ST8SIA6: variants seen among roughly 807,000 people sequenced by gnomAD.
ST8SIA6 encodes ST8 alpha-N-acetyl-neuraminide alpha-2,8-sialyltransferase 6, also known as alpha-2,8-sialyltransferase 8F.
In ST8SIA6, 39 loss-of-function variants were observed where a neutral mutation model predicts 33.6. The observed-to-expected ratio is 1.16, with a 90% confidence interval of 0.90 to 1.52. The LOEUF (loss-of-function observed/expected upper bound fraction) is 1.52. ST8SIA6 is among the 40% of genes most tolerant of loss of function. ST8SIA6 has a pLI of 0.00. For missense variants in ST8SIA6, 441 were observed against 443.8 expected, an observed-to-expected ratio of 0.99 and a Z score of 0.06; for synonymous variants, 172 against 167.2, an observed-to-expected ratio of 1.03 and a Z score of -0.22.
chr10:17,330,958 T>C (rs1225285266), intron 5 of ST8SIA6, among the ~76,000 whole-genome samples: 1 of 152,222 alleles, frequency 6.6e-6, no homozygotes, highest in Admixed American at 6.5e-5. Flanking sequence ...CAACAATCTC[T>C]ATCTTATGGT....
intron 2 of ST8SIA6, 70 bp downstream of exon 2, chr10:17,453,489 G>A: frequency 5.9e-6 from 7 of 1,184,718 alleles, no homozygotes; most frequent in African/African-American, 1.6e-5. Flanking sequence ...GTCCAAGCCG[G>A]TGCAGCCGCG....
chr10:17,447,316 G>A (rs1852751739), intron 2 of ST8SIA6, among the ~76,000 whole-genome samples: 1 of 152,202 alleles, frequency 6.6e-6, no homozygotes, highest in Non-Finnish European at 1.5e-5. Context: ...GGAGGCAGGA[G>A]AATCACTGGA....
intron 2 of ST8SIA6, among the ~76,000 whole-genome samples, chr10:17,419,380 A>T (rs1212877518): frequency 6.6e-6 from 1 of 152,136 alleles, no homozygotes; most frequent in South Asian, 2.1e-4. Context: ...AAAAATTTTT[A>T]AATTAGCTGG....
intron 3 of ST8SIA6, among the ~76,000 whole-genome samples, chr10:17,372,221 A>C (rs1849758738): frequency 1.3e-5 from 2 of 152,248 alleles, no homozygotes; most frequent in Admixed American, 1.3e-4. Context: ...ACTGCTACGT[A>C]AGATAATGCT....
At chr10:17,443,389 A>C (rs1310376072) in intron 2 of ST8SIA6, among the ~76,000 whole-genome samples, 4 of 152,238 alleles carry the variant, frequency 2.6e-5, no homozygotes, top group Non-Finnish European at 4.4e-5. Context: ...GAGAGACTTT[A>C]ATCATTTGCA....
intron 6 of ST8SIA6, 67 bp from the exon 7 acceptor site, chr10:17,323,224 T>TGCGC: frequency 1.2e-6 from 1 of 854,006 alleles, no homozygotes; most frequent in Admixed American, 2.1e-5. Flanking sequence ...TACACACATA[T>TGCGC]GCGCGCACAC....
intron 7 of ST8SIA6, among the ~76,000 whole-genome samples, chr10:17,322,094 C>CAGAGAG (rs10544183): frequency 3.0e-5 from 4 of 134,348 alleles, no homozygotes; most frequent in Non-Finnish European, 4.7e-5. Context: ...CAAAGAGAGA[C>CAGAGAG]AGAGAGAGAG....
chr10:17,447,066 T>G (rs968582116), intron 2 of ST8SIA6, among the ~76,000 whole-genome samples: 16 of 148,824 alleles, frequency 1.1e-4, no homozygotes, highest in Admixed American at 6.0e-4. Flanking sequence ...ATAATAAAGC[T>G]GTGATCAAAT....
intron 6 of ST8SIA6, among the ~76,000 whole-genome samples, chr10:17,324,870 T>C (rs188365195): frequency 6.1e-4 from 89 of 146,598 alleles, no homozygotes; most frequent in African/African-American, 2.2e-3. Context: ...ATAATATGCA[T>C]ATATGTAATA....
chr10:17,388,257 G>A (rs1423474343), intron 3 of ST8SIA6, among the ~76,000 whole-genome samples: 2 of 152,178 alleles, frequency 1.3e-5, no homozygotes, highest in Admixed American at 6.5e-5. Context: ...CTGGATCCTG[G>A]ATTCCATTAA....
At chr10:17,396,294 T>C (rs1055409323) in intron 2 of ST8SIA6, among the ~76,000 whole-genome samples, 69 of 152,308 alleles carry the variant, frequency 4.5e-4, no homozygotes, top group East Asian at 1.9e-4. Flanking sequence ...ACCTGACTCA[T>C]GAGGAGTGCT....
chr10:17,375,372 C>T (rs929665606), intron 3 of ST8SIA6, among the ~76,000 whole-genome samples: 2 of 152,166 alleles, frequency 1.3e-5, no homozygotes, highest in African/African-American at 2.4e-5. Flanking sequence ...GAAGTTTGAT[C>T]GGCCATAATT....
chr10:17,372,572 T>C (rs1373742382), intron 3 of ST8SIA6, among the ~76,000 whole-genome samples: 1 of 152,210 alleles, frequency 6.6e-6, no homozygotes, highest in African/African-American at 2.4e-5. Flanking sequence ...GAACTATACA[T>C]ACATTTAAAT....
At chr10:17,439,227 G>A (rs1852383299) in intron 2 of ST8SIA6, among the ~76,000 whole-genome samples, 1 of 149,676 alleles carries the variant, frequency 6.7e-6, no homozygotes, top group African/African-American at 2.5e-5. Context: ...CACTACATGT[G>A]ATTTACAGGT....
chr10:17,346,505 G>A (rs1848838927), intron 4 of ST8SIA6, among the ~76,000 whole-genome samples: 1 of 152,128 alleles, frequency 6.6e-6, no homozygotes, highest in African/African-American at 2.4e-5. Flanking sequence ...GAGGCAGGAG[G>A]ATTGCTTGAT....
chr10:17,325,027 TAA>T lies in ST8SIA6; in HGVS notation c.636-1872_636-1871del, dbSNP rs1319121035. ...ATATATAACACATAATACTGTTATA[TAA>T]TTGTATTTATTATATGTATATATGT... On this transcript the variant is annotated intron_variant, in intron 6 of 7. Coordinates refer to ENST00000377602, the MANE Select transcript of ST8SIA6 (RefSeq NM_001004470.3). 2.8e-5 allele frequency among the ~76,000 whole-genome samples: 4 copies of T among 143,150 alleles called. No homozygotes were observed. In the East Asian group the frequency reaches 8.0e-4, roughly 29 times the overall value. The allele number at this position is 143,150 out of a possible 152,430, so 93.9% of individuals were successfully genotyped here. A position where few individuals can be genotyped will look rare whatever the true frequency, so the allele number is the denominator to read the frequency against.
At chr10:17,445,982 CTG>C (rs1389577659) in intron 2 of ST8SIA6, among the ~76,000 whole-genome samples, 1 of 151,762 alleles carries the variant, frequency 6.6e-6, no homozygotes, top group Admixed American at 6.6e-5. Flanking sequence ...GTTTTGGGGT[CTG>C]GTATCCAAAA....
chr10:17,396,364 G>T (rs1289573223), intron 2 of ST8SIA6, among the ~76,000 whole-genome samples: 1 of 152,158 alleles, frequency 6.6e-6, no homozygotes, highest in Non-Finnish European at 1.5e-5. Flanking sequence ...CCAATTTGTA[G>T]GGCCTTTTAT....
chr10:17,426,755 C>A (rs1291291358), intron 2 of ST8SIA6, among the ~76,000 whole-genome samples: 3 of 152,172 alleles, frequency 2.0e-5, no homozygotes, highest in Non-Finnish European at 4.4e-5. Context: ...ATATTTTCCA[C>A]AAAATTCATG....
Sources: allele counts gnomAD v4.1 joint callset (sites outside exome capture counted in the v4.1 genomes callset), GRCh38; gene constraint gnomAD v4.1.1; transcripts MANE v1.5; gene names NCBI Gene and HGNC (gene_info 2026-07-23, HGNC 2026-07-21).